The following RBFOX2 variants were observed in gnomAD, a reference collection of about 807,000 sequenced individuals.
RBFOX2 encodes RNA binding protein fox-1 homolog 2.
Under a neutral mutation model 49.1 loss-of-function variants are expected in RBFOX2, and 10 were observed. The ratio of observed to expected loss-of-function variants is 0.20; its 90% CI spans 0.13 to 0.35. The LOEUF (loss-of-function observed/expected upper bound fraction) is 0.35. Ranked by LOEUF, RBFOX2 falls within the 10% of genes least tolerant of loss-of-function variation. The pLI is 1.00. For missense variants in RBFOX2, 323 were observed against 486.9 expected (o/e 0.66, Z 3.17); for synonymous variants, 183 against 187.4 (o/e 0.98, Z 0.19).
At chr22:35,780,013 T>C (rs899019190) in intron 3 of RBFOX2, among the ~76,000 whole-genome samples, 1 of 152,170 alleles carries the variant, frequency 6.6e-6, no homozygotes, top group Admixed American at 6.5e-5. Context: ...CTCTAATAAT[T>C]CAGTAGAGAA....
chr22:35,973,072 G>A (rs903519410), intron 1 of RBFOX2, among the ~76,000 whole-genome samples: 1 of 152,122 alleles, frequency 6.6e-6, no homozygotes, highest in Non-Finnish European at 1.5e-5. Context: ...AACAGAAACT[G>A]CCCTATCCTC....
chr22:35,971,641 G>A (rs2056874745), intron 1 of RBFOX2, among the ~76,000 whole-genome samples: 1 of 152,028 alleles, frequency 6.6e-6, no homozygotes, highest in Admixed American at 6.6e-5. Context: ...AAGGAAAAGA[G>A]ACTAGGAGAG....
At chr22:35,928,311 T>C (rs116642900) in intron 1 of RBFOX2, among the ~76,000 whole-genome samples, 162 of 152,232 alleles carry the variant, frequency 1.1e-3, no homozygotes, top group African/African-American at 3.7e-3. Context: ...CAGCTTTATA[T>C]AGAAGCTACA....
chr22:35,897,059 A>G (rs1185746164), intron 1 of RBFOX2, among the ~76,000 whole-genome samples: 1 of 152,212 alleles, frequency 6.6e-6, no homozygotes, highest in Non-Finnish European at 1.5e-5. Context: ...AATTACACTG[A>G]TAAGAGATTC....
intron 6 of RBFOX2, among the ~76,000 whole-genome samples, chr22:35,764,391 T>C (rs1162913482): frequency 2.0e-5 from 3 of 152,042 alleles, no homozygotes; most frequent in Non-Finnish European, 2.9e-5. Flanking sequence ...GAGACCATCC[T>C]GGCTAACACG....
At chr22:35,861,553 A>G (rs895812182) in intron 1 of RBFOX2, among the ~76,000 whole-genome samples, 1 of 152,228 alleles carries the variant, frequency 6.6e-6, no homozygotes, top group Non-Finnish European at 1.5e-5. Flanking sequence ...CATGAAAAGA[A>G]GCTCAGTATC....
At chr22:35,906,678 G>A (rs1478360046) in intron 1 of RBFOX2, among the ~76,000 whole-genome samples, 1 of 151,986 alleles carries the variant, frequency 6.6e-6, no homozygotes, top group Non-Finnish European at 1.5e-5. Flanking sequence ...AGCCGGGCGT[G>A]GTGGCACACA....
At chr22:35,830,793 T>A (rs1158186415) in intron 1 of RBFOX2, among the ~76,000 whole-genome samples, 1 of 152,120 alleles carries the variant, frequency 6.6e-6, no homozygotes, top group Non-Finnish European at 1.5e-5. Flanking sequence ...GAAAAATGTT[T>A]TTAAAAAAAT....
intron 1 of RBFOX2, among the ~76,000 whole-genome samples, chr22:35,913,507 A>T (rs944007708): frequency 1.3e-5 from 2 of 148,736 alleles, no homozygotes; most frequent in Non-Finnish European, 3.0e-5. Flanking sequence ...GTGTGTGTGT[A>T]TACATATATA....
At chr22:35,821,590 A>G (rs1033772854) in intron 1 of RBFOX2, among the ~76,000 whole-genome samples, 4 of 116,544 alleles carry the variant, frequency 3.4e-5, no homozygotes, top group Non-Finnish European at 6.6e-5. Context: ...GGACAGAGTG[A>G]GACTCCGTCT....
chr22:35,792,330 A>AAAAAGAAAAG lies in RBFOX2; in HGVS notation c.253-10594_253-10585dup, dbSNP rs1193695072. ...AACTCCGTCTCAAAAAAAAAAAAAA[A>AAAAAGAAAAG]AAAAGAAAAGAAAAGAAAAGAAAAG... On this transcript the variant is annotated intron_variant, in intron 2 of 11. Coordinates refer to ENST00000405409, the Ensembl canonical transcript of RBFOX2. Among the ~76,000 whole-genome samples the AAAAAGAAAAG allele has an allele frequency of 3.6e-4, 49 of 136,424 alleles. 1 individual carries two copies. The highest frequency in any genetic ancestry group is 7.0e-4 in the South Asian group (3 of 4,278). 89.5% of individuals were successfully genotyped at this position (136,424 alleles called of 152,430 possible).
intron 1 of RBFOX2, chr22:35,994,385 T>TTTTATTTATTTATTTA (rs560646071): frequency 3.4e-5 from 5 of 148,032 alleles, no homozygotes; most frequent in African/African-American, 1.3e-4. Context: ...TATTTATTCA[T>TTTTATTTATTTATTTA]TTTATTTATT....
intron 4 of RBFOX2, among the ~76,000 whole-genome samples, chr22:35,768,585 A>G (rs1941729684): frequency 6.6e-6 from 1 of 152,244 alleles, no homozygotes; most frequent in East Asian, 1.9e-4. Flanking sequence ...CAATAATAAA[A>G]TAAAACATAA....
chr22:36,005,593 T>G (rs1055857656), intron 1 of RBFOX2, among the ~76,000 whole-genome samples: 6 of 152,240 alleles, frequency 3.9e-5, no homozygotes, highest in African/African-American at 1.4e-4. Context: ...AGCTTCAGAA[T>G]GAAGTGTCCC....
intron 1 of RBFOX2, among the ~76,000 whole-genome samples, chr22:35,949,577 T>C (rs1055251925): frequency 2.6e-5 from 4 of 152,232 alleles, no homozygotes; most frequent in Non-Finnish European, 5.9e-5. Flanking sequence ...TTATTGTGTG[T>C]GTATTTTCAT....
intron 2 of RBFOX2, among the ~76,000 whole-genome samples, chr22:35,789,603 T>TA (rs756021321): frequency 7.2e-5 from 11 of 152,332 alleles, no homozygotes; most frequent in Non-Finnish European, 1.3e-4. Flanking sequence ...GTCAGCCAGA[T>TA]AAAGTTTTTC....
chr22:35,987,743 T>C (rs921740587), intron 1 of RBFOX2, among the ~76,000 whole-genome samples: 1 of 152,150 alleles, frequency 6.6e-6, no homozygotes, highest in Non-Finnish European at 1.5e-5. Context: ...TCACATTCTA[T>C]GTCACAGATC....
At chr22:35,802,860 T>C (rs1950030795) in intron 2 of RBFOX2, among the ~76,000 whole-genome samples, 1 of 151,790 alleles carries the variant, frequency 6.6e-6, no homozygotes, top group Non-Finnish European at 1.5e-5. Context: ...ACATAAGAGG[T>C]CTCAACAGAA....
In RBFOX2 at chr22:35,802,819, G is replaced by A. The variant is rs541167875; in HGVS notation, c.252+6961C>T. 6.6e-5 allele frequency among the ~76,000 whole-genome samples: 10 copies of A among 152,252 alleles called. No individual in the cohort carries two copies. In the South Asian group the frequency reaches 2.1e-3, roughly 32 times the overall value. ...ATATGGTCTCCTCACATCCCTGGGT[G>A]GCTGTGAAACTACATGGATGAGGAA... is the stretch of plus-strand genomic sequence containing the variant. On this transcript the variant is annotated intron_variant, in intron 2 of 11. Coordinates refer to ENST00000405409, the Ensembl canonical transcript of RBFOX2.
Sources: allele counts gnomAD v4.1 joint callset (sites outside exome capture counted in the v4.1 genomes callset), GRCh38; gene constraint gnomAD v4.1.1; transcripts MANE v1.5; gene names NCBI Gene and HGNC (gene_info 2026-07-23, HGNC 2026-07-21).